The following PDE10A variants were observed in gnomAD, a reference collection of about 807,000 sequenced individuals.
PDE10A encodes cAMP and cAMP-inhibited cGMP 3',5'-cyclic phosphodiesterase 10A.
Under a neutral mutation model 97.7 loss-of-function variants are expected in PDE10A, and 39 were observed. The ratio of observed to expected loss-of-function variants is 0.40; its 90% CI spans 0.31 to 0.52. PDE10A has a LOEUF of 0.52. Among genes scored for constraint, PDE10A ranks in the 20% least tolerant of loss-of-function variants. The pLI is 0.56. For missense variants in PDE10A, 731 were observed against 1,047.8 expected (o/e 0.70, Z 4.17); for synonymous variants, 371 against 376.8 (o/e 0.98, Z 0.18).
At chr6:165,592,547 G>C (rs1209454469) in intron 1 of PDE10A, among the ~76,000 whole-genome samples, 1 of 152,074 alleles carries the variant, frequency 6.6e-6, no homozygotes, top group Non-Finnish European at 1.5e-5. Flanking sequence ...TTTGCAATCT[G>C]TCCATCTGAC....
In PDE10A at chr6:165,662,842, C is replaced by A. The variant is rs2128433125; in HGVS notation, c.-31G>T. On this transcript the variant is annotated 5_prime_UTR_variant, in exon 1 of 22. Coordinates refer to ENST00000539869, the MANE Select transcript of PDE10A (RefSeq NM_001385079.1). Reference sequence around the variant, plus strand: ...CTCCCCGGGCCGCGGAGGGGCAGGCCGCGGGCGGGAGGGGCGCGGCGGGCC... The same window carrying A: ...CTCCCCGGGCCGCGGAGGGGCAGGCAGCGGGCGGGAGGGGCGCGGCGGGCC... Among the ~76,000 whole-genome samples the A allele has an allele frequency of 6.8e-6, 1 of 146,980 alleles. No homozygotes were observed. The highest frequency in any genetic ancestry group is 2.2e-4 in the South Asian group (1 of 4,542).
At chr6:165,634,634 C>T (rs1173000120) in intron 1 of PDE10A, among the ~76,000 whole-genome samples, 1 of 152,076 alleles carries the variant, frequency 6.6e-6, no homozygotes, top group Non-Finnish European at 1.5e-5. Flanking sequence ...GGAGATAACA[C>T]AAAACACACG....
intron 1 of PDE10A, among the ~76,000 whole-genome samples, chr6:165,645,941 T>A (rs542791383): frequency 2.0e-5 from 3 of 151,538 alleles, no homozygotes; most frequent in African/African-American, 7.3e-5. Context: ...TAGTTTCACA[T>A]ATTCCTCCAC....
chr6:165,460,093 T>C (rs1445864088), intron 3 of PDE10A, among the ~76,000 whole-genome samples: 1 of 152,162 alleles, frequency 6.6e-6, no homozygotes. Flanking sequence ...CCCTCACCCC[T>C]GTACAATGTC....
intron 1 of PDE10A, among the ~76,000 whole-genome samples, chr6:165,722,254 A>T (rs1792184317): frequency 6.6e-6 from 1 of 152,188 alleles, no homozygotes; most frequent in Non-Finnish European, 1.5e-5. Context: ...TTATCTGTGG[A>T]GCACAGAAGG....
intron 1 of PDE10A, among the ~76,000 whole-genome samples, chr6:165,822,251 A>C (rs1247504893): frequency 1.3e-5 from 2 of 151,284 alleles, no homozygotes; most frequent in African/African-American, 4.9e-5. Flanking sequence ...CCCACCACAC[A>C]CCTGGATGGC....
chr6:165,717,870 T>A (rs1397973406), intron 1 of PDE10A, among the ~76,000 whole-genome samples: 3 of 152,212 alleles, frequency 2.0e-5, no homozygotes, highest in South Asian at 4.1e-4. Flanking sequence ...ATGTGCTTGC[T>A]GGCCATCTGT....
chr6:165,828,257 A>T (rs923732395), intron 1 of PDE10A, among the ~76,000 whole-genome samples: 1 of 152,256 alleles, frequency 6.6e-6, no homozygotes, highest in African/African-American at 2.4e-5. Flanking sequence ...TACAGGCTAG[A>T]CCTGCAGTAG....
At chr6:165,455,797 T>C (rs974189628) in intron 3 of PDE10A, among the ~76,000 whole-genome samples, 7 of 152,328 alleles carry the variant, frequency 4.6e-5, no homozygotes, top group Admixed American at 6.5e-5. Context: ...TAGTAAGTCA[T>C]TGGTCTCCAA....
intron 1 of PDE10A, among the ~76,000 whole-genome samples, chr6:165,766,247 G>A (rs947900693): frequency 1.3e-5 from 2 of 152,226 alleles, no homozygotes; most frequent in African/African-American, 2.4e-5. Context: ...CACATCCTGT[G>A]TATTGTAGGG....
chr6:165,558,025 T>C (rs145498405), intron 1 of PDE10A, among the ~76,000 whole-genome samples: 8 of 152,188 alleles, frequency 5.3e-5, no homozygotes, highest in African/African-American at 1.9e-4. Context: ...ACAAACGATA[T>C]GCCTAACCTA....
rs889228837 is a variant in PDE10A, at chr6:165,725,633, C to T, written c.-614-182065G>A. On this transcript the variant is annotated intron_variant, in intron 1 of 19. Transcript: ENST00000366882. ...GAGGTGAGGAACTGGATGTACTGAA[C>T]CTGTCTCCTGATGCTCATTCTTCAT... is the stretch of plus-strand genomic sequence containing the variant. Among the ~76,000 whole-genome samples, 4 of 151,880 alleles carry T rather than the reference C, an allele frequency of 2.6e-5. 1 individual carries two copies. The East Asian group carries it at 7.8e-4, about 29-fold the overall frequency.
chr6:165,922,070 G>T (rs538953262), intron 1 of PDE10A, among the ~76,000 whole-genome samples: 21 of 152,292 alleles, frequency 1.4e-4, no homozygotes, highest in Middle Eastern at 6.8e-3. Flanking sequence ...AGATTATAGG[G>T]CCAGTAGGAT....
At chr6:165,629,238 A>G (rs1252741495) in intron 1 of PDE10A, among the ~76,000 whole-genome samples, 1 of 152,140 alleles carries the variant, frequency 6.6e-6, no homozygotes, top group Non-Finnish European at 1.5e-5. Context: ...ATCAAGTAAC[A>G]CTCATTACGC....
chr6:165,757,879 C>T (rs904930690), intron 1 of PDE10A, among the ~76,000 whole-genome samples: 1 of 152,082 alleles, frequency 6.6e-6, no homozygotes, highest in Non-Finnish European at 1.5e-5. Flanking sequence ...GACAACTTTA[C>T]AAAGTTGATT....
intron 7 of PDE10A, among the ~76,000 whole-genome samples, chr6:165,431,676 G>A (rs942781573): frequency 6.7e-6 from 1 of 149,714 alleles, no homozygotes; most frequent in African/African-American, 2.5e-5. Flanking sequence ...CAAAGGACTC[G>A]GGGATACATG....
intron 1 of PDE10A, among the ~76,000 whole-genome samples, chr6:165,985,911 C>T (rs763630830): frequency 4.0e-5 from 6 of 149,520 alleles, no homozygotes; most frequent in Non-Finnish European, 7.4e-5. Flanking sequence ...CTAATCAGCT[C>T]ACTCCCACCC....
chr6:165,890,881 G>A (rs985583135), intron 1 of PDE10A, among the ~76,000 whole-genome samples: 1 of 152,216 alleles, frequency 6.6e-6, no homozygotes, highest in Non-Finnish European at 1.5e-5. Context: ...CCCTACTGCG[G>A]TTCCAACGCA....
chr6:165,708,518 C>A (rs1433364677), intron 1 of PDE10A, among the ~76,000 whole-genome samples: 1 of 151,820 alleles, frequency 6.6e-6, no homozygotes, highest in Non-Finnish European at 1.5e-5. Flanking sequence ...GCACTCTCAG[C>A]ACATCCCCAA....
Sources: gnomAD v4.1 joint callset for allele counts (sites outside exome capture counted in the v4.1 genomes callset) on GRCh38, gnomAD v4.1.1 for gene constraint, MANE v1.5 for transcripts, NCBI Gene and HGNC (gene_info 2026-07-23, HGNC 2026-07-21) for gene names.